Variants in FLACC1 observed in about 807,000 individuals in gnomAD.
FLACC1 encodes the protein flagellum-associated coiled-coil domain-containing protein 1.
Under a neutral mutation model 62.8 loss-of-function variants are expected in FLACC1, and 66 were observed. The ratio of observed to expected loss-of-function variants is 1.05; its 90% CI spans 0.86 to 1.29. The LOEUF is 1.29. Ranked by LOEUF, FLACC1 falls within the 50% of genes most tolerant of loss-of-function variation. The pLI is 0.00. For missense variants in FLACC1, 452 were observed against 489.1 expected, an observed-to-expected ratio of 0.92 and a Z score of 0.71; for synonymous variants, 156 against 161.0, an observed-to-expected ratio of 0.97 and a Z score of 0.24.
chr2:201,312,760 C>T (rs1950239633), intron 9 of FLACC1, among the ~76,000 whole-genome samples: 1 of 152,202 alleles, frequency 6.6e-6, no homozygotes. Flanking sequence ...CATGTGGAGT[C>T]TTGCATCGTG....
intron 12 of FLACC1, among the ~76,000 whole-genome samples, chr2:201,294,906 T>G (rs1949823920): frequency 6.6e-6 from 1 of 152,050 alleles, no homozygotes. Context: ...AAATCATGAG[T>G]GAACTCCCAT....
chr2:201,327,243 T>C (rs1950513983), intron 9 of FLACC1, among the ~76,000 whole-genome samples: 1 of 151,986 alleles, frequency 6.6e-6, no homozygotes, highest in African/African-American at 2.4e-5. Context: ...GAAAAACTCT[T>C]CCAGTCATTG....
At chr2:201,332,697 G>A (rs1950618265) in intron 7 of FLACC1, among the ~76,000 whole-genome samples, 1 of 151,900 alleles carries the variant, frequency 6.6e-6, no homozygotes, top group South Asian at 2.1e-4. Flanking sequence ...TGTACCCTTT[G>A]ACCATCATCT....
intron 9 of FLACC1, among the ~76,000 whole-genome samples, chr2:201,314,777 T>G (rs186612508): frequency 6.6e-6 from 1 of 152,318 alleles, no homozygotes; most frequent in Non-Finnish European, 1.5e-5. Flanking sequence ...TCTTAAGAGC[T>G]GTGAGGCAAA....
chr2:201,354,518 G>A (rs965957699), intron 1 of FLACC1, among the ~76,000 whole-genome samples: 3 of 152,144 alleles, frequency 2.0e-5, no homozygotes, highest in Non-Finnish European at 2.9e-5. Context: ...TGACAGGGCC[G>A]CCATTTATAA....
chr2:201,297,578 G>T (rs1328375940), intron 12 of FLACC1, among the ~76,000 whole-genome samples: 1 of 152,210 alleles, frequency 6.6e-6, no homozygotes, highest in African/African-American at 2.4e-5. Flanking sequence ...TACTGCTCAT[G>T]TCCAGTGAGG....
chr2:201,328,334 A>C (rs377620336), intron 9 of FLACC1, among the ~76,000 whole-genome samples: 195 of 152,266 alleles, frequency 1.3e-3, no homozygotes, highest in African/African-American at 4.6e-3. Flanking sequence ...TAAAAACCCC[A>C]AAGTAAAAAA....
At chr2:201,338,715 T>C (rs1018017307) in intron 7 of FLACC1, among the ~76,000 whole-genome samples, 6 of 152,258 alleles carry the variant, frequency 3.9e-5, no homozygotes, top group African/African-American at 1.4e-4. Flanking sequence ...TCATGTTTAT[T>C]GATTTTCATA....
At chr2:201,299,087 A>C in intron 12 of FLACC1, 151 bp downstream of exon 12, 4 of 709,002 alleles carry the variant, frequency 5.6e-6, no homozygotes, top group Non-Finnish European at 9.2e-6. Context: ...AATTCTTTTT[A>C]ACTTATTGAA....
upstream of FLACC1, among the ~76,000 whole-genome samples, chr2:201,358,178 T>TA (rs1366156807): frequency 6.6e-6 from 1 of 152,184 alleles, no homozygotes; most frequent in Non-Finnish European, 1.5e-5. Context: ...CAATACAACT[T>TA]AGAGACCAAT....
At chr2:201,305,731 A>G (rs1029645396) in intron 11 of FLACC1, among the ~76,000 whole-genome samples, 1 of 152,280 alleles carries the variant, frequency 6.6e-6, no homozygotes, top group African/African-American at 2.4e-5. Context: ...TGGCACATAT[A>G]CACCATGGAA....
intron 7 of FLACC1, among the ~76,000 whole-genome samples, chr2:201,339,488 T>C (rs777831546): frequency 6.6e-6 from 1 of 152,150 alleles, no homozygotes; most frequent in Non-Finnish European, 1.5e-5. Context: ...TCAGGTGCAT[T>C]ATTAGATTGT....
Position 201,330,763 on chromosome 2 carries a change from CT to C in FLACC1, c.594del (p.Glu199ArgfsTer9). ...LENNYKAALK[A>X]EKLAAQEKLE... ...AGCTTCTCTTGGGCAGCCAACTTCT[CT>C]GCCTTCAAGGCTGCTTTGTAGTTGT... is the stretch of plus-strand genomic sequence containing the variant. On this transcript the variant is annotated frameshift_variant, in exon 8 of 15. Transcript: ENST00000392257. LOFTEE classifies it high-confidence loss of function. The C allele has an allele frequency of 6.2e-7, 1 of 1,613,992 alleles. No homozygotes were observed. The highest frequency in any genetic ancestry group is 1.7e-5 in the Admixed American group (1 of 59,992).
chr2:201,362,688 T>C, the FLACC1 span, among the ~76,000 whole-genome samples: 1 of 152,258 alleles, frequency 6.6e-6, no homozygotes, highest in African/African-American at 2.4e-5. Context: ...TTGGAAACAC[T>C]GTGAGGAAAA....
intron 7 of FLACC1, among the ~76,000 whole-genome samples, chr2:201,341,858 C>A (rs918659774): frequency 6.6e-6 from 1 of 152,136 alleles, no homozygotes; most frequent in Non-Finnish European, 1.5e-5. Context: ...ATGTTCTATT[C>A]TCTGTCTTTC....
intron 7 of FLACC1, among the ~76,000 whole-genome samples, chr2:201,337,664 C>T (rs1044526209): frequency 1.3e-5 from 2 of 152,038 alleles, no homozygotes; most frequent in Admixed American, 1.3e-4. Flanking sequence ...GCTAGGACTC[C>T]AGGCACACTC....
chr2:201,290,655 C>T (rs1187805134), intron 12 of FLACC1, among the ~76,000 whole-genome samples: 1 of 152,192 alleles, frequency 6.6e-6, no homozygotes, highest in Non-Finnish European at 1.5e-5. Context: ...TCGTGTTCAT[C>T]TCACTGGGGA....
chr2:201,355,082 C>T (rs1171281956), intron 1 of FLACC1, among the ~76,000 whole-genome samples: 11 of 152,022 alleles, frequency 7.2e-5, no homozygotes, highest in Admixed American at 5.2e-4. Context: ...GCCAGGAGTT[C>T]GAGACCAGCC....
chr2:201,360,196 G>C (rs1225873241), upstream of FLACC1, among the ~76,000 whole-genome samples: 1 of 152,264 alleles, frequency 6.6e-6, no homozygotes, highest in Non-Finnish European at 1.5e-5. Context: ...TCTCTTGGAT[G>C]AAATTGGGGA....
Sources: allele counts gnomAD v4.1 joint callset (sites outside exome capture counted in the v4.1 genomes callset), GRCh38; gene constraint gnomAD v4.1.1; transcripts MANE v1.5; gene names NCBI Gene and HGNC (gene_info 2026-07-23, HGNC 2026-07-21).